The following VAT1L variants were observed in gnomAD, a reference collection of about 807,000 sequenced individuals.
VAT1L encodes the protein vesicle amine transport 1 like.
VAT1L carries 34 observed loss-of-function variants against 44.1 expected under a neutral mutation model. The ratio of observed to expected loss-of-function variants is 0.77; its 90% CI spans 0.59 to 1.03. The LOEUF (loss-of-function observed/expected upper bound fraction) is 1.03. Among genes scored for constraint, VAT1L ranks in the 50% least tolerant of loss-of-function variants. VAT1L has a pLI of 0.00. For missense variants in VAT1L, 615 were observed against 538.8 expected (o/e 1.14, Z -1.40); for synonymous variants, 253 against 202.2 (o/e 1.25, Z -2.13).
intron 4 of VAT1L, among the ~76,000 whole-genome samples, chr16:77,865,838 C>G (rs1271779178): frequency 1.3e-5 from 2 of 152,140 alleles, no homozygotes; most frequent in South Asian, 4.1e-4. Context: ...GATGGCATCT[C>G]TTCTGAAAAA....
At chr16:77,923,346 A>T (rs2017632595) in intron 7 of VAT1L, among the ~76,000 whole-genome samples, 1 of 151,152 alleles carries the variant, frequency 6.6e-6, no homozygotes. Flanking sequence ...GCTACTCAGG[A>T]GGCTGAGGCA....
intron 8 of VAT1L, among the ~76,000 whole-genome samples, chr16:77,977,098 G>C (rs951154977): frequency 6.6e-6 from 1 of 152,156 alleles, no homozygotes; most frequent in Non-Finnish European, 1.5e-5. Flanking sequence ...CTGCCTGAGA[G>C]CTAACTCTTG....
chr16:77,866,767 C>T (rs201848280), intron 4 of VAT1L, among the ~76,000 whole-genome samples: 4 of 152,102 alleles, frequency 2.6e-5, no homozygotes, highest in East Asian at 3.9e-4. Context: ...CCTTTACATC[C>T]GTTACTTTCT....
In VAT1L at chr16:77,825,314, G is replaced by A; in HGVS notation, c.432G>A (p.Glu144=). 6 of 1,614,202 alleles carry A rather than the reference G, an allele frequency of 3.7e-6. No homozygotes were observed. The highest frequency in any genetic ancestry group is 5.1e-6 in the Non-Finnish European group (6 of 1,180,036). Residue 144 remains glutamate, a synonymous_variant, in exon 3 of 9, where the codon GAG becomes GAA. Coordinates refer to ENST00000302536, the MANE Select transcript of VAT1L (RefSeq NM_020927.3). ...CAGAGGTGGTCTGCACACCAGTGGAGTTTGTCTACAAGATCCCGGATGACA... is the reference window on the plus strand; with the variant it reads ...CAGAGGTGGTCTGCACACCAGTGGAATTTGTCTACAAGATCCCGGATGACA... ...AWAEVVCTPV[E]FVYKIPDDMS...
chr16:77,911,747 G>A lies in VAT1L; in HGVS notation c.1077+26945G>A, dbSNP rs74943256. Among the ~76,000 whole-genome samples the A allele has an allele frequency of 7.4e-3, 1,127 of 152,252 alleles. 32 individuals carry two copies. The highest frequency in any genetic ancestry group is 0.049 in the Admixed American group (753 of 15,300). ...GTACACAAGGCACCCCAAGGGGATG[G>A]ATGGGGCTGAGATATGAAGAAAGGG... On this transcript the variant is annotated intron_variant, in intron 7 of 8. Coordinates refer to ENST00000302536, the MANE Select transcript of VAT1L (RefSeq NM_020927.3).
intron 2 of VAT1L, among the ~76,000 whole-genome samples, chr16:77,824,565 C>T (rs2016495987): frequency 6.6e-6 from 1 of 151,804 alleles, no homozygotes; most frequent in Non-Finnish European, 1.5e-5. Flanking sequence ...ACCATCCTGG[C>T]TAACATGGTG....
chr16:77,792,312 G>A (rs973894858), intron 1 of VAT1L, among the ~76,000 whole-genome samples: 1 of 152,164 alleles, frequency 6.6e-6, no homozygotes, highest in Non-Finnish European at 1.5e-5. Flanking sequence ...GTGATTAAGA[G>A]AGCTTCCTAG....
intron 7 of VAT1L, among the ~76,000 whole-genome samples, chr16:77,940,097 T>A (rs562988164): frequency 1.1e-3 from 160 of 152,024 alleles, no homozygotes; most frequent in African/African-American, 3.5e-3. Flanking sequence ...GTTTAAAGAG[T>A]CTCAACAAGC....
intron 1 of VAT1L, 125 bp from the exon 2 acceptor site, chr16:77,816,796 G>T: frequency 1.6e-6 from 2 of 1,221,226 alleles, no homozygotes; most frequent in Non-Finnish European, 2.2e-6. Context: ...AAAAAAAAAA[G>T]ACAGGAAGGA....
At chr16:77,892,924 A>T in intron 7 of VAT1L, 1 of 994,342 alleles carries the variant, frequency 1.0e-6, no homozygotes, top group South Asian at 1.3e-5. Flanking sequence ...AATAAGTTTG[A>T]CTTGTGTTTT....
intron 1 of VAT1L, among the ~76,000 whole-genome samples, chr16:77,816,403 T>C (rs897786844): frequency 3.3e-5 from 5 of 152,196 alleles, no homozygotes; most frequent in Non-Finnish European, 7.3e-5. Context: ...ATAGTGCTGA[T>C]GTAAGTGTGT....
chr16:77,928,149 C>T (rs1195441441), intron 7 of VAT1L, among the ~76,000 whole-genome samples: 3 of 151,982 alleles, frequency 2.0e-5, no homozygotes, highest in African/African-American at 4.8e-5. Flanking sequence ...AATCAAAGAC[C>T]CCAGAGCTGG....
intron 7 of VAT1L, among the ~76,000 whole-genome samples, chr16:77,930,179 CA>C (rs900152031): frequency 4.6e-5 from 7 of 152,150 alleles, no homozygotes; most frequent in African/African-American, 1.7e-4. Flanking sequence ...GAACCACAAG[CA>C]CCCACCCCCA....
chr16:77,793,138 G>T (rs1597158728), intron 1 of VAT1L, among the ~76,000 whole-genome samples: 2 of 152,224 alleles, frequency 1.3e-5, no homozygotes, highest in South Asian at 2.1e-4. Flanking sequence ...TTGAGACAGG[G>T]TCTTGCTCTG....
intron 3 of VAT1L, among the ~76,000 whole-genome samples, chr16:77,844,238 A>C (rs2016735754): frequency 6.6e-6 from 1 of 152,148 alleles, no homozygotes; most frequent in Non-Finnish European, 1.5e-5. Context: ...CATCTGTACT[A>C]AACAGGTACA....
chr16:77,947,818 G>C (rs1364987098), intron 7 of VAT1L, among the ~76,000 whole-genome samples: 1 of 152,210 alleles, frequency 6.6e-6, no homozygotes, highest in Non-Finnish European at 1.5e-5. Context: ...TTTGCGCAAT[G>C]GCATGATCTT....
Position 77,969,476 on chromosome 16 carries a change from C to T in VAT1L, c.1078-2374C>T, listed in dbSNP as rs569425655. ...ATTTGGACCGAGGGTATCTGCTCCTCATTGACTGTCGGCTGGGGTCTGCCT... is the reference window on the plus strand; with the variant it reads ...ATTTGGACCGAGGGTATCTGCTCCTTATTGACTGTCGGCTGGGGTCTGCCT... On this transcript the variant is annotated intron_variant, in intron 7 of 8. Coordinates refer to ENST00000302536, the MANE Select transcript of VAT1L (RefSeq NM_020927.3). Among the ~76,000 whole-genome samples the T allele has an allele frequency of 4.8e-4, 73 of 152,152 alleles. 2 individuals are homozygous for T. The South Asian group carries it at 0.014, about 30-fold the overall frequency.
chr16:77,902,739 G>GGC (rs1555518310), intron 7 of VAT1L, among the ~76,000 whole-genome samples: 1 of 133,516 alleles, frequency 7.5e-6, no homozygotes, highest in Non-Finnish European at 1.6e-5. Context: ...GGGTGGGGGG[G>GGC]GTGTGGATCA....
At chr16:77,862,279 A>G (rs186331184) in intron 3 of VAT1L, among the ~76,000 whole-genome samples, 16 of 152,284 alleles carry the variant, frequency 1.1e-4, no homozygotes, top group African/African-American at 3.8e-4. Flanking sequence ...TAAACATCTG[A>G]CAATGCATAG....
Sources: gnomAD v4.1 joint callset for allele counts (sites outside exome capture counted in the v4.1 genomes callset) on GRCh38, gnomAD v4.1.1 for gene constraint, MANE v1.5 for transcripts, NCBI Gene and HGNC (gene_info 2026-07-23, HGNC 2026-07-21) for gene names.